E2F3: variants seen among roughly 807,000 people sequenced by gnomAD.
E2F3 encodes E2F transcription factor 3, also known as transcription factor E2F3.
In E2F3, 11 loss-of-function variants were observed where a neutral mutation model predicts 44.4. The observed-to-expected ratio is 0.25, with a 90% CI of 0.16 to 0.41. The LOEUF (loss-of-function observed/expected upper bound fraction) is 0.41, where lower values mean the gene tolerates loss of function less well. E2F3 is among the 10% of genes least tolerant of loss of function. The pLI is 1.00. For missense variants in E2F3, 487 were observed against 583.6 expected (o/e 0.83, Z 1.70); for synonymous variants, 249 against 253.0 (o/e 0.98, Z 0.15).
chr6:20,441,568 CTTGTGTTTTTGTTT>C (rs1760773261), intron 1 of E2F3, among the ~76,000 whole-genome samples: 1 of 149,016 alleles, frequency 6.7e-6, no homozygotes, highest in South Asian at 2.1e-4. Flanking sequence ...CTGTGTTTAG[CTTGTGTTTTTGTTT>C]TTGTTTTTTT....
chr6:20,414,475 A>T (rs923376630), intron 1 of E2F3, among the ~76,000 whole-genome samples: 34 of 143,190 alleles, frequency 2.4e-4, no homozygotes, highest in African/African-American at 7.6e-4. Flanking sequence ...TTTTCTCATT[A>T]AAAAAAAAAA....
At chr6:20,403,185 C>A (rs1413774583) in intron 1 of E2F3, among the ~76,000 whole-genome samples, 1 of 131,110 alleles carries the variant, frequency 7.6e-6, no homozygotes, top group South Asian at 2.5e-4. Context: ...CTGTAACTCC[C>A]GGCAACAAAG....
intron 1 of E2F3, among the ~76,000 whole-genome samples, chr6:20,478,638 G>A (rs1248551400): frequency 6.6e-6 from 1 of 152,232 alleles, no homozygotes; most frequent in South Asian, 2.1e-4. Context: ...GCGAAACCCC[G>A]TCTCTACTAA....
At chr6:20,463,401 G>T (rs1176324819) in intron 1 of E2F3, among the ~76,000 whole-genome samples, 2 of 152,224 alleles carry the variant, frequency 1.3e-5, no homozygotes, top group South Asian at 4.1e-4. Context: ...CAAAGAGAGA[G>T]ATTTAAATGT....
Position 20,419,892 on chromosome 6 carries a change from G to A in E2F3, c.393+17267G>A, listed in dbSNP as rs140892125. Among the ~76,000 whole-genome samples the A allele has an allele frequency of 7.3e-3, 1,108 of 152,212 alleles. 11 individuals are homozygous for A. Among genetic ancestry groups the A allele is most frequent in the African/African-American group, 0.025 (1,025 of 41,502 alleles). On this transcript the variant is annotated intron_variant, in intron 1 of 6. Coordinates refer to ENST00000346618, the MANE Select transcript of E2F3 (RefSeq NM_001949.5). The stretch of plus-strand genomic sequence containing the variant: ...ATTTTTATTTATTTATTGAGACAGA[G>A]TCTCATTCTGTTGCCCAGGCTGGAG...
Position 20,478,908 on chromosome 6 carries a change from T to C in E2F3, c.394-938T>C, listed in dbSNP as rs144069638. Among the ~76,000 whole-genome samples the C allele has an allele frequency of 1.1e-3, 165 of 152,338 alleles. 2 individuals carry two copies. Among genetic ancestry groups the C allele is most frequent in the African/African-American group, 3.8e-3 (157 of 41,580 alleles). ...TGAGTGTCCAGTTGGTGCCATTTAT[T>C]TTCTAAAACACCTGTCATACCCATA... On this transcript the variant is annotated intron_variant, in intron 1 of 6. Transcript: ENST00000346618.
intron 1 of E2F3, among the ~76,000 whole-genome samples, chr6:20,430,221 T>C (rs1760354233): frequency 6.6e-6 from 1 of 152,228 alleles, no homozygotes; most frequent in Non-Finnish European, 1.5e-5. Context: ...GTAGGTCCCA[T>C]GCAATATTGG....
chr6:20,402,674 C>T lies in E2F3; in HGVS notation c.393+49C>T, dbSNP rs1234918672. The stretch of plus-strand genomic sequence containing the variant: ...CCCCAGCCCCGGCGGGAGGTGGGCT[C>T]GCACCGCGCGGGGTCGTGGGCGCGC... On this transcript the variant is annotated intron_variant, in intron 1 of 6. Transcript: ENST00000346618. The surrounding 1 kb of genome is among the most constrained non-coding windows in gnomAD (Gnocchi z 5.6). 1.8e-5 allele frequency: 23 copies of T among 1,297,126 alleles called. No homozygotes were observed. The highest frequency in any genetic ancestry group is 1.2e-5 in the Non-Finnish European group (12 of 1,027,024). The allele number at this position is 1,297,126 out of a possible 1,614,324, so 80.4% of individuals were successfully genotyped here.
chr6:20,426,496 C>T (rs1033559776), intron 1 of E2F3, among the ~76,000 whole-genome samples: 1 of 152,014 alleles, frequency 6.6e-6, no homozygotes, highest in Admixed American at 6.6e-5. Context: ...ATTTATTTAG[C>T]ACTTGCCGCC....
intron 1 of E2F3, among the ~76,000 whole-genome samples, chr6:20,416,896 C>T (rs917294003): frequency 1.3e-5 from 2 of 152,094 alleles, no homozygotes; most frequent in Non-Finnish European, 2.9e-5. Context: ...TGGGCCTGGC[C>T]ACCCCTCCTT....
chr6:20,465,298 C>T (rs1218831659), intron 1 of E2F3, among the ~76,000 whole-genome samples: 1 of 152,220 alleles, frequency 6.6e-6, no homozygotes, highest in African/African-American at 2.4e-5. Context: ...CTGCCTCTGA[C>T]TTTTTAAATT....
In E2F3 at chr6:20,490,031, G is replaced by C. The variant is rs1762509412; in HGVS notation, c.1136-137G>C. 4 of 947,776 alleles carry C rather than the reference G, an allele frequency of 4.2e-6. No individual in the cohort carries two copies. Among genetic ancestry groups the C allele is most frequent in the Admixed American group, 5.9e-5 (2 of 33,868 alleles). 58.7% of individuals were successfully genotyped at this position (947,776 alleles called of 1,614,324 possible). Reference sequence around the variant, plus strand: ...TACCTGTTAGCATAAAAGGTGATCTGCATCATAAAGTCGTCTCATTGTCAT... The same window carrying C: ...TACCTGTTAGCATAAAAGGTGATCTCCATCATAAAGTCGTCTCATTGTCAT... On this transcript the variant is annotated intron_variant, in intron 6 of 6. Transcript: ENST00000346618. The surrounding 1 kb of genome is among the most constrained non-coding windows in gnomAD (Gnocchi z 4.3).
chr6:20,413,982 G>A (rs1759759551), intron 1 of E2F3, among the ~76,000 whole-genome samples: 2 of 152,200 alleles, frequency 1.3e-5, no homozygotes, highest in Non-Finnish European at 2.9e-5. Flanking sequence ...TGTGCACTGT[G>A]TGGAAGGCAT....
chr6:20,431,396 C>T (rs1371032443), intron 1 of E2F3, among the ~76,000 whole-genome samples: 2 of 152,196 alleles, frequency 1.3e-5, no homozygotes, highest in Admixed American at 6.5e-5. Context: ...CCCAGTGTCC[C>T]GTGAGCTGAG....
rs1759346452 is a variant in E2F3, at chr6:20,402,656, C to A, written c.393+31C>A. The A allele has an allele frequency of 1.2e-5, 16 of 1,310,732 alleles. No homozygotes were observed. Among genetic ancestry groups the A allele is most frequent in the Non-Finnish European group, 1.5e-5 (16 of 1,035,670 alleles). 81.2% of individuals were successfully genotyped at this position (1,310,732 alleles called of 1,614,324 possible). A position where few individuals can be genotyped will look rare whatever the true frequency, so the allele number is the denominator to read the frequency against. On this transcript the variant is annotated intron_variant, in intron 1 of 6. Transcript: ENST00000346618. This position sits in a 1 kb window ranked among gnomAD's most constrained non-coding sequence, Gnocchi z 5.6. ...ACCCTCCCTCCCCACCGTCCCCAGC[C>A]CCGGCGGGAGGTGGGCTCGCACCGC...
At chr6:20,432,491 A>G (rs1378136489) in intron 1 of E2F3, among the ~76,000 whole-genome samples, 1 of 152,258 alleles carries the variant, frequency 6.6e-6, no homozygotes, top group Non-Finnish European at 1.5e-5. Flanking sequence ...GAGACAAGAT[A>G]TATGGTGTAG....
At chr6:20,446,999 A>G (rs2127598739) in intron 1 of E2F3, among the ~76,000 whole-genome samples, 1 of 152,342 alleles carries the variant, frequency 6.6e-6, no homozygotes. Flanking sequence ...CTTAATAAAG[A>G]AATGTGGCCA....
chr6:20,468,466 C>T (rs777669256), intron 1 of E2F3, among the ~76,000 whole-genome samples: 3 of 152,238 alleles, frequency 2.0e-5, no homozygotes, highest in Non-Finnish European at 2.9e-5. Context: ...GAGCACGCAG[C>T]TTCCATGACC....
At chr6:20,481,484 T>G (rs1456256948) in intron 3 of E2F3, 59 bp downstream of exon 3, 1 of 1,483,402 alleles carries the variant, frequency 6.7e-7, no homozygotes, top group Non-Finnish European at 9.4e-7. Context: ...ACTGCCTGGT[T>G]TCTTAGTTCC....
Sources: allele counts gnomAD v4.1 joint callset (sites outside exome capture counted in the v4.1 genomes callset), GRCh38; gene constraint gnomAD v4.1.1; non-coding constraint Gnocchi (gnomAD v3.1); transcripts MANE v1.5; gene names NCBI Gene and HGNC (gene_info 2026-07-23, HGNC 2026-07-21).